Variants in ARSB observed in about 807,000 individuals in gnomAD.
ARSB encodes arylsulfatase B, also known as N-acetylgalactosamine-4-sulfatase.
ARSB carries 41 observed loss-of-function variants against 50.9 expected under a neutral mutation model. The ratio of observed to expected loss-of-function variants is 0.81; its 90% CI spans 0.63 to 1.04. The LOEUF (loss-of-function observed/expected upper bound fraction) is 1.04, where lower values mean the gene tolerates loss of function less well. ARSB is among the 50% of genes least tolerant of loss of function. The pLI, the probability that ARSB is intolerant of heterozygous loss-of-function variation, is 0.00. For synonymous variants in ARSB, 269 were observed against 284.8 expected (o/e 0.94, Z 0.56); for missense variants, 672 against 693.3 (o/e 0.97, Z 0.35).
chr5:78,967,704 CA>C (rs1173425371), intron 2 of ARSB, among the ~76,000 whole-genome samples: 5 of 151,296 alleles, frequency 3.3e-5, no homozygotes. Context: ...TTTCAAATAT[CA>C]GAGATGAATA....
At chr5:78,984,131 T>C (rs763562015) in intron 1 of ARSB, among the ~76,000 whole-genome samples, 3 of 152,202 alleles carry the variant, frequency 2.0e-5, no homozygotes, top group Non-Finnish European at 2.9e-5. Context: ...GCGATTCTTA[T>C]GCCAACGAGC....
intron 6 of ARSB, among the ~76,000 whole-genome samples, chr5:78,796,278 AGAAT>A (rs1743174342): frequency 6.6e-6 from 1 of 152,268 alleles, no homozygotes; most frequent in Non-Finnish European, 1.5e-5. Flanking sequence ...CTAAATCTTC[AGAAT>A]GAATAAGCTG....
At chr5:78,939,806 A>G (rs1750816289) in intron 4 of ARSB, among the ~76,000 whole-genome samples, 1 of 152,128 alleles carries the variant, frequency 6.6e-6, no homozygotes, top group African/African-American at 2.4e-5. Flanking sequence ...CAGTAATGGG[A>G]TGGCTGGGTC....
chr5:78,873,049 T>C (rs941076126), intron 5 of ARSB, among the ~76,000 whole-genome samples: 2 of 151,222 alleles, frequency 1.3e-5, no homozygotes, highest in East Asian at 3.9e-4. Flanking sequence ...AAATAGAAAA[T>C]GAGAATTCAA....
At chr5:78,921,617 T>C (rs1749818861) in intron 4 of ARSB, among the ~76,000 whole-genome samples, 1 of 152,234 alleles carries the variant, frequency 6.6e-6, no homozygotes, top group Non-Finnish European at 1.5e-5. Flanking sequence ...TCATGTATCT[T>C]TTCTGACCAC....
chr5:78,936,584 T>C (rs59187724), intron 4 of ARSB, among the ~76,000 whole-genome samples: 8,228 of 152,190 alleles, frequency 0.054, 581 homozygotes, highest in African/African-American at 0.16. Context: ...TCTGCTCACA[T>C]AGGAAGCTGT....
intron 5 of ARSB, among the ~76,000 whole-genome samples, chr5:78,873,524 C>G (rs1167599844): frequency 3.9e-5 from 1 of 25,400 alleles, no homozygotes; most frequent in African/African-American, 1.2e-4. Flanking sequence ...GAGACGGAGT[C>G]TCGCTCTGTC....
chr5:78,782,178 T>C (rs975766357), intron 6 of ARSB, among the ~76,000 whole-genome samples: 3 of 152,128 alleles, frequency 2.0e-5, no homozygotes, highest in Non-Finnish European at 4.4e-5. Flanking sequence ...ACCGCAAATA[T>C]AAAGGAAATC....
At chr5:78,830,125 C>T (rs1329426473) in intron 6 of ARSB, among the ~76,000 whole-genome samples, 1 of 152,170 alleles carries the variant, frequency 6.6e-6, no homozygotes, top group Middle Eastern at 3.2e-3. Flanking sequence ...TAACAGGCTA[C>T]ACTTGGAAGC....
intron 5 of ARSB, among the ~76,000 whole-genome samples, chr5:78,854,310 A>G (rs1302309563): frequency 6.6e-6 from 1 of 152,214 alleles, no homozygotes; most frequent in African/African-American, 2.4e-5. Context: ...CTTGAGATAC[A>G]TTGCTACGTT....
rs546414126 is a variant in ARSB at position 78,963,725 on chromosome 5, T to C, written c.690+691A>G. ...ATAGTAAATGTGAAAAATAAGCTCA[T>C]TGGTATACCAGGTATATGGATTAGA... On this transcript the variant is annotated intron_variant, in intron 3 of 7. Transcript: ENST00000264914. 3.3e-5 allele frequency among the ~76,000 whole-genome samples: 5 copies of C among 152,304 alleles called. No individual in the cohort carries two copies. In the South Asian group the frequency reaches 1.0e-3, roughly 32 times the overall value.
chr5:78,930,443 A>T (rs1464135658), intron 4 of ARSB, among the ~76,000 whole-genome samples: 2 of 94,296 alleles, frequency 2.1e-5, no homozygotes. Context: ...AAAGAAAAAG[A>T]AAAAGAAAAA....
At chr5:78,943,107 G>C (rs1751020677) in intron 4 of ARSB, among the ~76,000 whole-genome samples, 1 of 152,146 alleles carries the variant, frequency 6.6e-6, no homozygotes. Flanking sequence ...TGCAATCCCT[G>C]CCTTTTTTTG....
At chr5:78,912,598 T>G (rs564544416) in intron 4 of ARSB, among the ~76,000 whole-genome samples, 4 of 152,334 alleles carry the variant, frequency 2.6e-5, no homozygotes, top group Admixed American at 6.5e-5. Flanking sequence ...GTTTCAGGTT[T>G]ACCAATGCAG....
chr5:78,957,965 TA>T (rs10713491), intron 3 of ARSB, among the ~76,000 whole-genome samples: 60,174 of 139,750 alleles, frequency 0.43, 14,019 homozygotes, highest in African/African-American at 0.48. Flanking sequence ...CGTAAAGTTT[TA>T]AAAAAAATCA....
At chr5:78,810,027 A>G (rs1210377316) in intron 6 of ARSB, among the ~76,000 whole-genome samples, 1 of 152,220 alleles carries the variant, frequency 6.6e-6, no homozygotes, top group Admixed American at 6.5e-5. Flanking sequence ...TCCGGTAGTG[A>G]GTTCCAGAAG....
intron 5 of ARSB, among the ~76,000 whole-genome samples, chr5:78,867,731 T>C (rs1001593131): frequency 2.2e-4 from 33 of 151,628 alleles, no homozygotes; most frequent in Admixed American, 2.1e-3. Flanking sequence ...ACAGAAAAAC[T>C]GGGAACTCTA....
At chr5:78,954,964 G>A (rs764824309) in intron 4 of ARSB, among the ~76,000 whole-genome samples, 1 of 152,140 alleles carries the variant, frequency 6.6e-6, no homozygotes, top group Non-Finnish European at 1.5e-5. Context: ...GGATGTCTGG[G>A]TTGTAGAGAG....
intron 4 of ARSB, among the ~76,000 whole-genome samples, chr5:78,934,140 C>G (rs1750478504): frequency 6.6e-6 from 1 of 152,162 alleles, no homozygotes; most frequent in African/African-American, 2.4e-5. Flanking sequence ...CCCTAGAAGA[C>G]CAAATAGCCC....
Sources: allele counts gnomAD v4.1 joint callset (sites outside exome capture counted in the v4.1 genomes callset), GRCh38; gene constraint gnomAD v4.1.1; transcripts MANE v1.5; gene names NCBI Gene and HGNC (gene_info 2026-07-23, HGNC 2026-07-21).